The following GPI variants were observed in gnomAD, a reference collection of about 807,000 sequenced individuals.
GPI encodes glucose-6-phosphate isomerase, also known as D-hexose-6-phosphate anomerase.
A neutral mutation model predicts 75.8 loss-of-function variants in GPI; 56 were observed. That is an observed-to-expected ratio of 0.74 (90% CI 0.60 to 0.92). The LOEUF (loss-of-function observed/expected upper bound fraction) is 0.92. GPI is among the 40% of genes least tolerant of loss of function. The pLI, the probability that GPI is intolerant of heterozygous loss-of-function variation, is 0.00. For missense variants in GPI, 638 were observed against 741.0 expected (o/e 0.86, Z 1.61); for synonymous variants, 288 against 285.4 (o/e 1.01, Z -0.09).
intron 12 of GPI, among the ~76,000 whole-genome samples, chr19:34,394,287 G>A (rs2074913627): frequency 6.6e-6 from 1 of 152,154 alleles, no homozygotes; most frequent in Non-Finnish European, 1.5e-5. Flanking sequence ...GGGCATGACT[G>A]GTGATCATGG....
intron 8 of GPI, chr19:34,381,030 G>T: frequency 3.2e-6 from 1 of 312,614 alleles, no homozygotes; most frequent in Non-Finnish European, 6.3e-6. Context: ...GGGCTGGGTG[G>T]CTGTTCAGCC....
Position 34,368,657 on chromosome 19 carries a change from G to GC in GPI, c.359dup (p.Glu121ArgfsTer20). 1 of 1,614,186 alleles carries GC rather than the reference G, an allele frequency of 6.2e-7. No individual in the cohort carries two copies. The highest frequency in any genetic ancestry group is 8.5e-7 in the Non-Finnish European group (1 of 1,180,006). ...TCCTGGTAGACGGCAAGGATGTGAT[G>GC]CCAGAGGTCAACAAGGTTCTGGACA... On this transcript the variant is annotated frameshift_variant, in exon 4 of 18. Transcript: ENST00000356487. LOFTEE classifies it high-confidence loss of function.
At chr19:34,398,266 G>A (rs972907521) in intron 14 of GPI, 2 of 152,046 alleles carry the variant, frequency 1.3e-5, no homozygotes, top group Non-Finnish European at 2.9e-5. Flanking sequence ...TGTTGCCCAA[G>A]CTGCCCTCGA....
rs552534886 is a variant in GPI, at chr19:34,399,084, C to G, written c.1270-123C>G. The G allele has an allele frequency of 1.6e-5, 13 of 827,196 alleles. No homozygotes were observed. The African/African-American group carries it at 1.7e-4, about 11-fold the overall frequency. The allele number at this position is 827,196 out of a possible 1,614,324, so 51.2% of individuals were successfully genotyped here. A position where few individuals can be genotyped will look rare whatever the true frequency, so the allele number is the denominator to read the frequency against. On this transcript the variant is annotated intron_variant, in intron 14 of 17. Transcript: ENST00000356487. Reference sequence around the variant, plus strand: ...ATCGGATGTGTCCCCCTCGCTCCAACTGAGCTGTACAGCGAGTGACCCAGG... The same window carrying G: ...ATCGGATGTGTCCCCCTCGCTCCAAGTGAGCTGTACAGCGAGTGACCCAGG...
At chr19:34,381,642 A>G (rs1395926863) in intron 9 of GPI, 123 bp downstream of exon 9, 4 of 803,504 alleles carry the variant, frequency 5.0e-6, no homozygotes, top group Non-Finnish European at 9.0e-6. Context: ...GCTTGGGGAA[A>G]GGTAGAGAGG....
At chr19:34,376,321 C>T (rs1479867707) in intron 4 of GPI, among the ~76,000 whole-genome samples, 4 of 152,058 alleles carry the variant, frequency 2.6e-5, no homozygotes, top group Admixed American at 6.6e-5. Context: ...TTTGGGAGGC[C>T]GAGGCAGGTG....
intron 9 of GPI, among the ~76,000 whole-genome samples, chr19:34,383,618 G>A (rs2074688469): frequency 6.6e-6 from 1 of 152,198 alleles, no homozygotes; most frequent in Non-Finnish European, 1.5e-5. Context: ...TGTGACTGAA[G>A]TCCAAGTCTG....
chr19:34,400,416 T>G lies in GPI; in HGVS notation c.*380T>G. ...GGAGCGCTCAGCAGGACGCAGGCTG[T>G]GCCTCTGCGGACACTTAACACTAAG... On this transcript the variant is annotated 3_prime_UTR_variant, in exon 18 of 18. Transcript: ENST00000356487. 1 of 592,834 alleles carries G rather than the reference T, an allele frequency of 1.7e-6. No homozygotes were observed. Among genetic ancestry groups the G allele is most frequent in the South Asian group, 2.1e-5 (1 of 47,672 alleles). 36.7% of individuals were successfully genotyped at this position (592,834 alleles called of 1,614,324 possible).
intron 9 of GPI, among the ~76,000 whole-genome samples, chr19:34,385,300 G>T (rs895804086): frequency 6.7e-6 from 1 of 149,820 alleles, no homozygotes; most frequent in South Asian, 2.1e-4. Flanking sequence ...AGTGAGCCGA[G>T]ATCATGCCAC....
At chr19:34,392,754 C>T in intron 9 of GPI, 1 of 72,342 alleles carries the variant, frequency 1.4e-5, no homozygotes, top group Non-Finnish European at 2.4e-5. Context: ...TGAGGCTGGG[C>T]ATGGGTGTGA....
In GPI at chr19:34,393,892, A is replaced by G. The variant is rs767121798; in HGVS notation, c.910-22A>G. On this transcript the variant is annotated intron_variant, in intron 11 of 17. Transcript: ENST00000356487. This position sits in a 1 kb window ranked among gnomAD's most constrained non-coding sequence, Gnocchi z 4.4. ...CTCCCCGTGCAGCTGCTCAGCTCCCACTCATCCTGCTCCTGTTTCAGGACC... is the reference window on the plus strand; with the variant it reads ...CTCCCCGTGCAGCTGCTCAGCTCCCGCTCATCCTGCTCCTGTTTCAGGACC... 6.2e-7 allele frequency: 1 copy of G among 1,611,008 alleles called. No individual in the cohort carries two copies. Among genetic ancestry groups the G allele is most frequent in the Non-Finnish European group, 8.5e-7 (1 of 1,179,308 alleles).
chr19:34,399,727 G>A lies in GPI; in HGVS notation c.1483G>A (p.Glu495Lys), dbSNP rs900848255. Residue 495 changes from glutamate (E) to lysine (K), a missense_variant, in exon 17 of 18, where the codon GAG becomes AAG. By Grantham distance (56) the Glu-to-Lys change is moderately conservative. Coordinates refer to ENST00000356487, the MANE Select transcript of GPI (RefSeq NM_000175.5). ...GTCTGTCACTTCTGCAGCCATGTAT[G>A]AGCACAAGATCTTCGTTCAGGGCAT... ...FMLGALVAMY[E>K]HKIFVQGIIW... The A allele has an allele frequency of 1.2e-6, 2 of 1,613,972 alleles. No individual in the cohort carries two copies. Among genetic ancestry groups the A allele is most frequent in the African/African-American group, 2.7e-5 (2 of 74,898 alleles).
chr19:34,366,111 C>T, intron 1 of GPI: 1 of 692,428 alleles, frequency 1.4e-6, no homozygotes, highest in Non-Finnish European at 2.6e-6. Context: ...GGCTCCTCAT[C>T]CAGGGTCTGC....
intron 4 of GPI, among the ~76,000 whole-genome samples, chr19:34,370,785 G>A (rs1045297044): frequency 6.6e-6 from 1 of 152,058 alleles, no homozygotes; most frequent in African/African-American, 2.4e-5. Context: ...AAATCAGCTA[G>A]GTGTGGTGGT....
intron 1 of GPI, 58 bp from the exon 2 acceptor site, chr19:34,366,287 C>T (rs749211585): frequency 9.0e-7 from 1 of 1,110,330 alleles, no homozygotes; most frequent in Non-Finnish European, 1.4e-6. Flanking sequence ...CTGCTTAGGG[C>T]ATGGCTCCCC....
chr19:34,389,515 A>T (rs566355144), intron 9 of GPI, among the ~76,000 whole-genome samples: 35 of 152,110 alleles, frequency 2.3e-4, no homozygotes, highest in Non-Finnish European at 4.7e-4. Context: ...CATCTACTGG[A>T]TGTAATAAGT....
At chr19:34,370,660 G>C (rs946691102) in intron 4 of GPI, among the ~76,000 whole-genome samples, 2 of 152,088 alleles carry the variant, frequency 1.3e-5, no homozygotes, top group African/African-American at 4.8e-5. Context: ...GGGAGGCAGA[G>C]GTTGCAGTGA....
chr19:34,380,042 G>A (rs554709630), intron 8 of GPI, among the ~76,000 whole-genome samples: 10 of 140,834 alleles, frequency 7.1e-5, no homozygotes, highest in African/African-American at 2.5e-4. Context: ...TGTTGCCCAG[G>A]CTGGAGTGCA....
rs1362518806 is a variant in GPI, at chr19:34,366,435, G to A, written c.213G>A (p.Leu71=). ...TEDVMRMLVD[L]AKSRGVEAAR... The stretch of plus-strand genomic sequence containing the variant: ...ACGTGATGCGGATGCTGGTGGACTT[G>A]GTAATGTTCTGCTTGGGGAGGCATA... The change falls in exon 2 of 18, where the codon TTG becomes TTA. Residue 71 remains leucine, a splice_region_variant and synonymous_variant. Coordinates refer to ENST00000356487, the MANE Select transcript of GPI (RefSeq NM_000175.5). The A allele has an allele frequency of 1.2e-6, 2 of 1,606,672 alleles. No individual in the cohort carries two copies. The highest frequency in any genetic ancestry group is 2.2e-5 in the East Asian group (1 of 44,860).
Sources: allele counts gnomAD v4.1 joint callset (sites outside exome capture counted in the v4.1 genomes callset), GRCh38; gene constraint gnomAD v4.1.1; non-coding constraint Gnocchi (gnomAD v3.1); transcripts MANE v1.5; gene names NCBI Gene and HGNC (gene_info 2026-07-23, HGNC 2026-07-21).